Variants in SLC22A23 observed in about 807,000 individuals in gnomAD.
The protein encoded by SLC22A23 is solute carrier family 22 member 23.
SLC22A23 carries 26 observed loss-of-function variants against 61.0 expected under a neutral mutation model. That is an observed-to-expected ratio of 0.43 (90% CI 0.31 to 0.59). SLC22A23 has a LOEUF of 0.59. SLC22A23 is among the 20% of genes least tolerant of loss of function. The pLI is 0.11. For missense variants in SLC22A23, 796 were observed against 934.7 expected (o/e 0.85, Z 1.94); for synonymous variants, 430 against 413.9 (o/e 1.04, Z -0.47).
intron 6 of SLC22A23, 95 bp from the exon 7 acceptor site, chr6:3,287,186 T>C (rs992388228): frequency 2.5e-5 from 29 of 1,138,698 alleles, no homozygotes; most frequent in Non-Finnish European, 3.7e-5. Context: ...GACCAGGAGA[T>C]GAAGAAGCAA....
intron 3 of SLC22A23, among the ~76,000 whole-genome samples, chr6:3,352,418 G>A (rs890530217): frequency 6.6e-6 from 1 of 151,464 alleles, no homozygotes; most frequent in Admixed American, 6.6e-5. Flanking sequence ...GAAGCTCACC[G>A]GCATGCATGC....
At chr6:3,284,608 C>A (rs1202592018) in intron 8 of SLC22A23, among the ~76,000 whole-genome samples, 3 of 152,164 alleles carry the variant, frequency 2.0e-5, no homozygotes, top group African/African-American at 7.2e-5. Context: ...GCAGGCCAGG[C>A]GGGTGCAGCA....
At chr6:3,316,933 T>G (rs944561428) in intron 4 of SLC22A23, among the ~76,000 whole-genome samples, 5 of 152,188 alleles carry the variant, frequency 3.3e-5, no homozygotes, top group East Asian at 3.8e-4. Flanking sequence ...GTGTTATCAA[T>G]GATCATGTGT....
At chr6:3,351,202 C>A (rs1764746172) in intron 3 of SLC22A23, among the ~76,000 whole-genome samples, 2 of 152,250 alleles carry the variant, frequency 1.3e-5, no homozygotes, top group South Asian at 2.1e-4. Flanking sequence ...GCTAGAGAGG[C>A]CCTCGCAGTT....
chr6:3,331,368 T>C (rs550635954), intron 3 of SLC22A23, among the ~76,000 whole-genome samples: 1 of 152,272 alleles, frequency 6.6e-6, no homozygotes, highest in African/African-American at 2.4e-5. Flanking sequence ...CAGATACTTG[T>C]CGCATGAATA....
intron 3 of SLC22A23, among the ~76,000 whole-genome samples, chr6:3,336,239 G>A (rs896106812): frequency 6.6e-6 from 1 of 152,226 alleles, no homozygotes; most frequent in African/African-American, 2.4e-5. Flanking sequence ...GTCAGAATGT[G>A]TGTGTGATCA....
At chr6:3,350,741 TA>T (rs1764719983) in intron 3 of SLC22A23, among the ~76,000 whole-genome samples, 1 of 152,166 alleles carries the variant, frequency 6.6e-6, no homozygotes, top group Non-Finnish European at 1.5e-5. Context: ...CATTATTACT[TA>T]AAAAATGCAA....
chr6:3,407,247 G>A (rs1400967518), intron 3 of SLC22A23, among the ~76,000 whole-genome samples: 3 of 152,198 alleles, frequency 2.0e-5, no homozygotes, highest in African/African-American at 7.2e-5. Flanking sequence ...TTTTCTTCAA[G>A]TAAAACAAAT....
chr6:3,296,319 A>G (rs563684340), intron 5 of SLC22A23, among the ~76,000 whole-genome samples: 3 of 152,002 alleles, frequency 2.0e-5, no homozygotes, highest in Non-Finnish European at 4.4e-5. Flanking sequence ...TGGCAAAGCC[A>G]CCCCTGCTGG....
At chr6:3,362,559 C>G (rs1349929851) in intron 3 of SLC22A23, among the ~76,000 whole-genome samples, 1 of 152,050 alleles carries the variant, frequency 6.6e-6, no homozygotes, top group East Asian at 1.9e-4. Context: ...TGGCCCTGGG[C>G]TCCATGGGAT....
At chr6:3,395,761 C>T (rs1767965623) in intron 3 of SLC22A23, among the ~76,000 whole-genome samples, 1 of 152,126 alleles carries the variant, frequency 6.6e-6, no homozygotes, top group Non-Finnish European at 1.5e-5. Context: ...GTCAAAATGC[C>T]AAAATAGATT....
At chr6:3,344,086 C>T (rs957841108) in intron 3 of SLC22A23, among the ~76,000 whole-genome samples, 4 of 152,094 alleles carry the variant, frequency 2.6e-5, no homozygotes, top group Non-Finnish European at 5.9e-5. Context: ...ACTGCATTGT[C>T]CAATACAGTG....
chr6:3,432,200 C>T (rs1336913227), intron 1 of SLC22A23: 8 of 985,302 alleles, frequency 8.1e-6, no homozygotes, highest in African/African-American at 1.7e-5. Flanking sequence ...CCCAGTGCTC[C>T]TTGCCCACGC....
Position 3,411,345 on chromosome 6 carries a change from A to T in SLC22A23, c.759-1003T>A, listed in dbSNP as rs1581841652. On this transcript the variant is annotated intron_variant, in intron 2 of 9. Coordinates refer to ENST00000406686, the MANE Select transcript of SLC22A23 (RefSeq NM_015482.2). ...ATCCAGACCTCCTGTCCCCAGTACC[A>T]CAAAGGGTAGCTGAGGGGCTCGAAC... Among the ~76,000 whole-genome samples the T allele has an allele frequency of 2.0e-5, 3 of 152,348 alleles. No individual in the cohort carries two copies. In the South Asian group the frequency reaches 6.2e-4, roughly 32 times the overall value.
rs190539810 is a variant in SLC22A23, at chr6:3,299,629, C to T, written c.1083-1411G>A. Among the ~76,000 whole-genome samples the T allele has an allele frequency of 5.3e-5, 8 of 152,306 alleles. No individual in the cohort carries two copies. In the East Asian group the frequency reaches 1.2e-3, roughly 22 times the overall value. The stretch of plus-strand genomic sequence containing the variant: ...TTTACAAGCTGCTCAAAGAGAACAC[C>T]GTGACTGCGCAGAGCAGGAGTTGGC... On this transcript the variant is annotated intron_variant, in intron 4 of 9. Coordinates refer to ENST00000406686, the MANE Select transcript of SLC22A23 (RefSeq NM_015482.2).
At chr6:3,276,078 T>G (rs527383526) in intron 9 of SLC22A23, among the ~76,000 whole-genome samples, 68 of 152,322 alleles carry the variant, frequency 4.5e-4, no homozygotes, top group African/African-American at 1.5e-3. Context: ...ATTTGGAGCC[T>G]TTTTCTCAGA....
In SLC22A23 at chr6:3,386,249, T is replaced by A. The variant is rs987411796; in HGVS notation, c.913+23939A>T. ...GCCCTGACAGTGCACGGTTAGGGGT[T>A]TAGAAACCCAAGGCAGGGGAGGTAG... On this transcript the variant is annotated intron_variant, in intron 3 of 9. Coordinates refer to ENST00000406686, the MANE Select transcript of SLC22A23 (RefSeq NM_015482.2). This position sits in a 1 kb window ranked among gnomAD's most constrained non-coding sequence, Gnocchi z 4.4. 6.6e-6 allele frequency among the ~76,000 whole-genome samples: 1 copy of A among 152,104 alleles called. No individual in the cohort carries two copies. The highest frequency in any genetic ancestry group is 2.4e-5 in the African/African-American group (1 of 41,406).
intron 6 of SLC22A23, 72 bp downstream of exon 6, chr6:3,289,692 T>TG (rs781547413): frequency 2.6e-5 from 33 of 1,284,092 alleles, no homozygotes; most frequent in Non-Finnish European, 3.5e-5. Context: ...AGCAGGGCCC[T>TG]GGGCTTCACC....
rs1762697917 is a variant in SLC22A23, at chr6:3,317,297, C to T, written c.1082+6537G>A. ...AGGGCTCCCAGCTGAGGAAGGAGCT[C>T]TGTCATTAAGCCATGTGCCCAGTGC... On this transcript the variant is annotated intron_variant, in intron 4 of 9. Transcript: ENST00000406686. The surrounding 1 kb of genome is among the most constrained non-coding windows in gnomAD (Gnocchi z 4.4). 6.6e-6 allele frequency among the ~76,000 whole-genome samples: 1 copy of T among 152,224 alleles called. No homozygotes were observed. The highest frequency in any genetic ancestry group is 1.5e-5 in the Non-Finnish European group (1 of 68,036).
Sources: allele counts gnomAD v4.1 joint callset (sites outside exome capture counted in the v4.1 genomes callset), GRCh38; gene constraint gnomAD v4.1.1; non-coding constraint Gnocchi (gnomAD v3.1); transcripts MANE v1.5; gene names NCBI Gene and HGNC (gene_info 2026-07-23, HGNC 2026-07-21).